Variants in MGLL observed in about 807,000 individuals in gnomAD.
MGLL encodes monoglyceride lipase.
A neutral mutation model predicts 29.1 loss-of-function variants in MGLL; 7 were observed. That is an observed-to-expected ratio of 0.24 (90% CI 0.14 to 0.45). The LOEUF (loss-of-function observed/expected upper bound fraction) is 0.45, where lower values mean the gene tolerates loss of function less well. MGLL is among the 20% of genes least tolerant of loss of function. The pLI is 0.99. For synonymous variants in MGLL, 148 were observed against 168.3 expected, an observed-to-expected ratio of 0.88 and a Z score of 0.93; for missense variants, 356 against 413.6, an observed-to-expected ratio of 0.86 and a Z score of 1.21.
intron 5 of MGLL, chr3:127,712,315 C>G (rs1278878287): frequency 1.3e-5 from 2 of 152,312 alleles, no homozygotes; most frequent in Non-Finnish European, 2.9e-5. Flanking sequence ...TCCCTGTAGG[C>G]CAGGGCTAAA....
At position 127,722,532 on chromosome 3, in the gene MGLL, T is replaced by C; in HGVS notation, c.297A>G (p.Val99=). 1 of 1,614,178 alleles carries C rather than the reference T, an allele frequency of 6.2e-7. No homozygotes were observed. Among genetic ancestry groups the C allele is most frequent in the Non-Finnish European group, 8.5e-7 (1 of 1,180,032 alleles). ...TGACGAAAACGTGGAAGTCAGACAC[T>C]ACCATCCTCTCCCCTTCGCTCTGTC... ...GHGQSEGERM[V]VSDFHVFVRD... The change falls in exon 4 of 8, where the codon GTA becomes GTG. Residue 99 remains valine (V), a synonymous_variant. Coordinates refer to ENST00000265052, the MANE Select transcript of MGLL (RefSeq NM_007283.7).
chr3:127,804,431 G>A (rs937379858), intron 2 of MGLL, among the ~76,000 whole-genome samples: 5 of 152,232 alleles, frequency 3.3e-5, no homozygotes, highest in African/African-American at 1.2e-4. Flanking sequence ...GACTCCCTGA[G>A]TAGGACTCCC....
intron 2 of MGLL, among the ~76,000 whole-genome samples, chr3:127,804,824 T>C (rs2077538172): frequency 6.6e-6 from 1 of 151,434 alleles, no homozygotes; most frequent in Admixed American, 6.6e-5. Flanking sequence ...CCACTGGGGG[T>C]CTGCAGGCAC....
At chr3:127,809,413 C>G (rs9289320) in intron 2 of MGLL, among the ~76,000 whole-genome samples, 39,785 of 151,838 alleles carry the variant, frequency 0.26, 6,099 homozygotes, top group African/African-American at 0.42. Context: ...ATCATTTGAG[C>G]CTGGGAATTT....
intron 2 of MGLL, among the ~76,000 whole-genome samples, chr3:127,820,347 G>C (rs1482646696): frequency 3.9e-5 from 6 of 152,146 alleles, no homozygotes; most frequent in Non-Finnish European, 8.8e-5. Context: ...GGGCAGGGCA[G>C]CCAACTTGAC....
intron 3 of MGLL, among the ~76,000 whole-genome samples, chr3:127,733,718 A>G (rs980403576): frequency 1.3e-5 from 2 of 152,192 alleles, no homozygotes; most frequent in Non-Finnish European, 2.9e-5. Flanking sequence ...CACTGTCTCC[A>G]CAAGATCATT....
chr3:127,821,650 C>T, intron 2 of MGLL, 44 bp downstream of exon 2: 2 of 1,608,640 alleles, frequency 1.2e-6, no homozygotes, highest in Non-Finnish European at 1.7e-6. Flanking sequence ...AAGCAGGGGC[C>T]ATGCTCCCCT....
rs141940360 is a variant in MGLL, at chr3:127,760,875, G to T, written c.262+20914C>A. ...CTGAGCTTGTTTCCTCCATAGGGACGTTGCCTGCCTTACTCTGCTGCCGTA... is the reference window on the plus strand; with the variant it reads ...CTGAGCTTGTTTCCTCCATAGGGACTTTGCCTGCCTTACTCTGCTGCCGTA... On this transcript the variant is annotated intron_variant, in intron 3 of 7. Transcript: ENST00000265052. Among the ~76,000 whole-genome samples, 1,231 of 152,326 alleles carry T rather than the reference G, an allele frequency of 8.1e-3. 17 individuals are homozygous for T. Among genetic ancestry groups the T allele is most frequent in the African/African-American group, 0.027 (1,115 of 41,582 alleles).
chr3:127,699,431 A>C (rs2075435884), intron 6 of MGLL, among the ~76,000 whole-genome samples: 1 of 152,184 alleles, frequency 6.6e-6, no homozygotes, highest in Non-Finnish European at 1.5e-5. Flanking sequence ...TAATGCGTGG[A>C]GCCCTTGACT....
intron 3 of MGLL, among the ~76,000 whole-genome samples, chr3:127,772,514 C>A (rs1423538446): frequency 6.6e-6 from 1 of 152,218 alleles, no homozygotes; most frequent in Non-Finnish European, 1.5e-5. Flanking sequence ...CTGCACACTA[C>A]CGCATGCAAA....
chr3:127,787,602 A>G (rs748761284), intron 2 of MGLL, among the ~76,000 whole-genome samples: 37 of 152,214 alleles, frequency 2.4e-4, no homozygotes, highest in Admixed American at 1.3e-4. Flanking sequence ...TCCTACCACT[A>G]GGCAGGTGGG....
intron 6 of MGLL, among the ~76,000 whole-genome samples, chr3:127,696,661 G>A (rs1047301056): frequency 1.3e-5 from 2 of 151,854 alleles, no homozygotes; most frequent in African/African-American, 4.8e-5. Context: ...TGATCCACCC[G>A]CCTCGGCCTC....
chr3:127,709,929 CTACCACTATTCTGAGT>C (rs2075677494), intron 6 of MGLL, among the ~76,000 whole-genome samples: 1 of 152,190 alleles, frequency 6.6e-6, no homozygotes, highest in Admixed American at 6.5e-5. Flanking sequence ...CCTTCCTTTG[CTACCACTATTCTGAGT>C]TACCCCCAGG....
chr3:127,724,646 A>G (rs538701458), intron 3 of MGLL, among the ~76,000 whole-genome samples: 10 of 152,238 alleles, frequency 6.6e-5, no homozygotes, highest in Non-Finnish European at 1.2e-4. Context: ...CCGCATTTCC[A>G]TGTGGAACAT....
At chr3:127,725,186 T>C (rs143568476) in intron 3 of MGLL, among the ~76,000 whole-genome samples, 13 of 152,314 alleles carry the variant, frequency 8.5e-5, no homozygotes, top group Admixed American at 3.9e-4. Flanking sequence ...CACCACATGC[T>C]CCTGCTGACT....
chr3:127,776,525 AC>A (rs2077039544), intron 3 of MGLL, among the ~76,000 whole-genome samples: 2 of 152,032 alleles, frequency 1.3e-5, no homozygotes. Flanking sequence ...CCTGCCAGCC[AC>A]CCTTCTGGCC....
At chr3:127,743,912 T>G (rs1042592710) in intron 3 of MGLL, among the ~76,000 whole-genome samples, 3 of 152,318 alleles carry the variant, frequency 2.0e-5, no homozygotes, top group African/African-American at 7.2e-5. Context: ...ACAACATGTT[T>G]TCGTCCCCCC....
At chr3:127,790,477 G>T (rs2077281379) in intron 2 of MGLL, among the ~76,000 whole-genome samples, 1 of 152,196 alleles carries the variant, frequency 6.6e-6, no homozygotes, top group Admixed American at 6.5e-5. Context: ...ACACTACATT[G>T]CCTGTCGTGG....
chr3:127,700,732 G>A lies in MGLL; in HGVS notation c.601-5542C>T, dbSNP rs2075462814. Among the ~76,000 whole-genome samples, 3 of 152,222 alleles carry A rather than the reference G, an allele frequency of 2.0e-5. No individual in the cohort carries two copies. In the South Asian group the frequency reaches 6.2e-4, roughly 31 times the overall value. On this transcript the variant is annotated intron_variant, in intron 6 of 7. Coordinates refer to ENST00000265052, the MANE Select transcript of MGLL (RefSeq NM_007283.7). ...CGCTGGCCACCTGCTGGCCAAGACA[G>A]TGTCCACAATGGGAATGAGACTTAG...
Sources: gnomAD v4.1 joint callset for allele counts (sites outside exome capture counted in the v4.1 genomes callset) on GRCh38, gnomAD v4.1.1 for gene constraint, MANE v1.5 for transcripts, NCBI Gene and HGNC (gene_info 2026-07-23, HGNC 2026-07-21) for gene names.